Variants in KIAA1328 observed in about 807,000 individuals in gnomAD.
KIAA1328 encodes KIAA1328, also known as protein hinderin.
In KIAA1328, 52 loss-of-function variants were observed where a neutral mutation model predicts 68.1. The ratio of observed to expected loss-of-function variants is 0.76; its 90% CI spans 0.61 to 0.96. The LOEUF (loss-of-function observed/expected upper bound fraction) is 0.96, where lower values mean the gene tolerates loss of function less well. Among genes scored for constraint, KIAA1328 ranks in the 40% least tolerant of loss-of-function variants. The probability of loss-of-function intolerance (pLI) is 0.00; values close to 1 mark genes in which losing one functional copy is unlikely to be tolerated. For missense variants in KIAA1328, 641 were observed against 677.6 expected (o/e 0.95, Z 0.60); for synonymous variants, 232 against 239.4 (o/e 0.97, Z 0.28).
chr18:36,924,369 G>A (rs1268740402), intron 5 of KIAA1328, among the ~76,000 whole-genome samples: 2 of 152,034 alleles, frequency 1.3e-5, no homozygotes, highest in Non-Finnish European at 2.9e-5. Context: ...GAGGCAATGA[G>A]CATATAAGGA....
At chr18:36,849,291 T>C (rs74995941) in intron 4 of KIAA1328, among the ~76,000 whole-genome samples, 5,190 of 152,074 alleles carry the variant, frequency 0.034, 111 homozygotes, top group Middle Eastern at 0.085. Context: ...TGTGGTAAAA[T>C]ACACATGACA....
intron 3 of KIAA1328, among the ~76,000 whole-genome samples, chr18:36,838,980 G>T (rs562096972): frequency 6.6e-6 from 1 of 152,056 alleles, no homozygotes; most frequent in Non-Finnish European, 1.5e-5. Flanking sequence ...TTATCTGCCC[G>T]CCTCGGCCTC....
At chr18:36,906,325 A>G (rs1227468840) in intron 5 of KIAA1328, among the ~76,000 whole-genome samples, 2 of 152,164 alleles carry the variant, frequency 1.3e-5, no homozygotes, top group East Asian at 1.9e-4. Flanking sequence ...CTTACAATAT[A>G]TTCTATGCTT....
chr18:37,207,678 G>T (rs1366215523), intron 9 of KIAA1328, among the ~76,000 whole-genome samples: 1 of 152,198 alleles, frequency 6.6e-6, no homozygotes, highest in Non-Finnish European at 1.5e-5. Flanking sequence ...GGAATGCCCT[G>T]TGAGGCCACT....
intron 7 of KIAA1328, chr18:37,075,133 C>T (rs1257421641): frequency 1.3e-5 from 2 of 151,956 alleles, no homozygotes; most frequent in African/African-American, 4.8e-5. Flanking sequence ...CAGCGGATCT[C>T]TTGGCAGAAA....
chr18:36,832,049 G>T (rs1321401919), intron 1 of KIAA1328, among the ~76,000 whole-genome samples: 1 of 152,026 alleles, frequency 6.6e-6, no homozygotes, highest in East Asian at 1.9e-4. Context: ...CCACTAGTAG[G>T]CCCACTATAC....
intron 7 of KIAA1328, among the ~76,000 whole-genome samples, chr18:37,130,298 T>G (rs987854446): frequency 1.3e-5 from 2 of 152,184 alleles, no homozygotes; most frequent in Non-Finnish European, 2.9e-5. Context: ...ATTACTTACT[T>G]TTTAAATGAT....
chr18:37,139,478 T>C (rs933916864), intron 7 of KIAA1328, among the ~76,000 whole-genome samples: 4 of 152,174 alleles, frequency 2.6e-5, no homozygotes, highest in African/African-American at 9.7e-5. Context: ...AAATCATGAA[T>C]TCTTCCTTTC....
At chr18:37,144,149 T>C (rs1193720186) in intron 7 of KIAA1328, among the ~76,000 whole-genome samples, 5 of 152,296 alleles carry the variant, frequency 3.3e-5, no homozygotes, top group South Asian at 2.1e-4. Context: ...TTTTGACAAG[T>C]TATATTTTTT....
intron 7 of KIAA1328, among the ~76,000 whole-genome samples, chr18:37,088,538 GTTC>G (rs1165617122): frequency 2.0e-5 from 3 of 151,850 alleles, no homozygotes; most frequent in South Asian, 2.1e-4. Context: ...GGACATTATA[GTTC>G]TTCTTTAGTT....
At chr18:36,856,887 T>A (rs1416080380) in intron 4 of KIAA1328, among the ~76,000 whole-genome samples, 8 of 152,200 alleles carry the variant, frequency 5.3e-5, no homozygotes, top group Admixed American at 5.2e-4. Flanking sequence ...TTCCAGGCTA[T>A]TTTTACAAAG....
chr18:37,079,404 A>G (rs573416476), intron 7 of KIAA1328, among the ~76,000 whole-genome samples: 1,603 of 142,542 alleles, frequency 0.011, 25 homozygotes, highest in Non-Finnish European at 0.018. Context: ...TGGGTGCAGC[A>G]CACCAGCATG....
chr18:37,132,438 C>G (rs982374023), intron 7 of KIAA1328, among the ~76,000 whole-genome samples: 1 of 152,088 alleles, frequency 6.6e-6, no homozygotes, highest in African/African-American at 2.4e-5. Flanking sequence ...CTGTAAATGC[C>G]AGAGAATGGG....
At chr18:36,950,464 G>A (rs1039384892) in intron 5 of KIAA1328, among the ~76,000 whole-genome samples, 2 of 152,156 alleles carry the variant, frequency 1.3e-5, no homozygotes, top group East Asian at 3.9e-4. Context: ...AGTACACTAC[G>A]ATTTCCAGGA....
chr18:37,221,302 T>C (rs753079667), intron 9 of KIAA1328, among the ~76,000 whole-genome samples: 4 of 152,246 alleles, frequency 2.6e-5, no homozygotes, highest in Admixed American at 6.5e-5. Context: ...ATTCAGTGCC[T>C]ATTATGTATT....
At chr18:37,184,345 C>T (rs562104548) in intron 9 of KIAA1328, among the ~76,000 whole-genome samples, 2 of 152,280 alleles carry the variant, frequency 1.3e-5, no homozygotes, top group Non-Finnish European at 2.9e-5. Context: ...ATAGCAGATT[C>T]CCGAGTGTGA....
intron 5 of KIAA1328, among the ~76,000 whole-genome samples, chr18:36,950,606 A>C (rs1366904884): frequency 4.6e-5 from 7 of 152,218 alleles, no homozygotes; most frequent in African/African-American, 1.7e-4. Flanking sequence ...CATAAAAATT[A>C]AGTTTTAATG....
intron 4 of KIAA1328, among the ~76,000 whole-genome samples, chr18:36,852,605 C>T (rs533738262): frequency 2.9e-4 from 44 of 152,240 alleles, no homozygotes; most frequent in South Asian, 1.9e-3. Flanking sequence ...CCAATAAATA[C>T]GAAGGGCTGT....
At chr18:37,146,628 T>G (rs1014650072) in intron 7 of KIAA1328, among the ~76,000 whole-genome samples, 1 of 152,176 alleles carries the variant, frequency 6.6e-6, no homozygotes. Context: ...AAATGGTAGT[T>G]CTGTTTTTAG....
Sources: gnomAD v4.1 joint callset for allele counts (sites outside exome capture counted in the v4.1 genomes callset) on GRCh38, gnomAD v4.1.1 for gene constraint, MANE v1.5 for transcripts, NCBI Gene and HGNC (gene_info 2026-07-23, HGNC 2026-07-21) for gene names.